Variants in ADGRF1 observed in about 807,000 individuals in gnomAD.
The protein encoded by ADGRF1 is adhesion G protein-coupled receptor F1.
In ADGRF1, 85 loss-of-function variants were observed where a neutral mutation model predicts 87.2. The ratio of observed to expected loss-of-function variants is 0.97; its 90% CI spans 0.82 to 1.17. The LOEUF is 1.17. Among genes scored for constraint, ADGRF1 ranks in the 50% most tolerant of loss-of-function variants. The pLI is 0.00. For synonymous variants in ADGRF1, 430 were observed against 408.8 expected, an observed-to-expected ratio of 1.05 and a Z score of -0.63; for missense variants, 1,169 against 1,077.2, an observed-to-expected ratio of 1.09 and a Z score of -1.19.
chr6:47,020,495 A>T, intron 7 of ADGRF1: 1 of 1,475,288 alleles, frequency 6.8e-7, no homozygotes, highest in Non-Finnish European at 9.0e-7. Flanking sequence ...CAAGAGTGAC[A>T]TTCTGTCAAA....
intron 1 of ADGRF1, among the ~76,000 whole-genome samples, chr6:47,041,397 AG>A (rs2113916457): frequency 6.6e-6 from 1 of 152,280 alleles, no homozygotes; most frequent in Admixed American, 6.5e-5. Context: ...AGCATGAAAA[AG>A]CCAAGGTCAT....
intron 1 of ADGRF1, among the ~76,000 whole-genome samples, chr6:47,030,436 A>T (rs1780377003): frequency 1.3e-5 from 2 of 152,066 alleles, no homozygotes; most frequent in African/African-American, 4.8e-5. Flanking sequence ...GTTTCCCCAC[A>T]GCTTATCTGC....
chr6:47,024,842 T>C (rs982405100), intron 4 of ADGRF1, among the ~76,000 whole-genome samples: 6 of 152,184 alleles, frequency 3.9e-5, no homozygotes, highest in Admixed American at 6.5e-5. Flanking sequence ...AAAGCTACAA[T>C]GGCTGGGATT....
rs1162660888 is a variant in ADGRF1 at position 47,000,265 on chromosome 6, G to A, written c.2690C>T (p.Ser897Phe). The change falls in exon 15 of 15, where the codon TCC becomes TTC. Residue 897 changes from serine (S) to phenylalanine (F), a missense_variant. By Grantham distance (155) the Ser-to-Phe change is radical (BLOSUM62 -2). Coordinates refer to ENST00000371253, the MANE Select transcript of ADGRF1 (RefSeq NM_153840.4). ...GHYAFSHTGD[S>F]SDNIMLTQFV... ...CTGAGTTAGCATGATGTTGTCGGAG[G>A]AATCTCCAGTATGAGAAAATGCATA... 2 of 1,604,802 alleles carry A rather than the reference G, an allele frequency of 1.2e-6. No homozygotes were observed. The highest frequency in any genetic ancestry group is 4.5e-5 in the East Asian group (2 of 44,650).
At chr6:47,014,449 T>C in intron 9 of ADGRF1, 2 of 1,252,988 alleles carry the variant, frequency 1.6e-6, no homozygotes, top group African/African-American at 1.5e-5. Context: ...CACCTCTGCC[T>C]GACAAAACTA....
chr6:47,032,779 G>A (rs767062091), intron 1 of ADGRF1, among the ~76,000 whole-genome samples: 1 of 152,200 alleles, frequency 6.6e-6, no homozygotes, highest in African/African-American at 2.4e-5. Flanking sequence ...ATAGTTACTT[G>A]CTGGATTGTG....
chr6:47,036,045 A>G (rs1383757174), intron 1 of ADGRF1, among the ~76,000 whole-genome samples: 2 of 152,186 alleles, frequency 1.3e-5, no homozygotes, highest in Admixed American at 1.3e-4. Context: ...AGCCTGGGCA[A>G]CATGGTGAAA....
chr6:47,007,109 C>A, intron 12 of ADGRF1, 144 bp downstream of exon 12: 1 of 487,498 alleles, frequency 2.1e-6, no homozygotes, highest in South Asian at 4.8e-5. Flanking sequence ...TCTGACTGAG[C>A]CTGACTTCTC....
intron 13 of ADGRF1, among the ~76,000 whole-genome samples, chr6:47,002,140 A>G (rs1026857509): frequency 2.0e-5 from 3 of 152,156 alleles, no homozygotes; most frequent in African/African-American, 7.2e-5. Flanking sequence ...TACATTATAT[A>G]TTTTTCTACT....
Position 47,025,896 on chromosome 6 carries a change from A to G in ADGRF1, c.235T>C (p.Ser79Pro). ...CTGATAATTCTAATTAGCCCATGTG[A>G]CCATAATAATGGAGGCTTCAAGAGC... is the stretch of plus-strand genomic sequence containing the variant. ...LKLLKPPLLW[S>P]HGLIRIIRAK... The change falls in exon 4 of 15, where the codon TCA (serine) becomes CCA (proline). Residue 79 changes from serine (S) to proline (P), a missense_variant. Physicochemically the swap from Ser to Pro is moderately conservative, Grantham distance 74 (BLOSUM62 -1). Transcript: ENST00000371253. 1 of 1,611,466 alleles carries G rather than the reference A, an allele frequency of 6.2e-7. No individual in the cohort carries two copies. The highest frequency in any genetic ancestry group is 8.5e-7 in the Non-Finnish European group (1 of 1,178,998).
At chr6:47,004,672 T>C (rs775245088) in intron 13 of ADGRF1, among the ~76,000 whole-genome samples, 10 of 152,218 alleles carry the variant, frequency 6.6e-5, no homozygotes, top group Non-Finnish European at 1.5e-4. Flanking sequence ...TTCTTAAGTG[T>C]AGGTAATGAC....
chr6:47,019,911 G>A lies in ADGRF1; in HGVS notation c.611+820C>T, dbSNP rs180757456. 3,953 of 985,168 alleles carry A rather than the reference G, an allele frequency of 4.0e-3. 15 individuals are homozygous for A. Among genetic ancestry groups the A allele is most frequent in the Middle Eastern group, 5.2e-3 (10 of 1,914 alleles). 61.0% of individuals were successfully genotyped at this position (985,168 alleles called of 1,614,324 possible). ...TAATTTACTAAATATTTCTTTATTT[G>A]CTGTAAACAATGACTACTGGGTTTT... On this transcript the variant is annotated intron_variant, in intron 7 of 14. Transcript: ENST00000371253.
intron 13 of ADGRF1, among the ~76,000 whole-genome samples, chr6:47,005,079 T>C (rs1004186861): frequency 6.6e-6 from 1 of 152,228 alleles, no homozygotes; most frequent in Non-Finnish European, 1.5e-5. Flanking sequence ...GTCAGTTGAC[T>C]TTTATAAAAT....
Position 47,007,245 on chromosome 6 carries a change from A to G in ADGRF1, c.2532+8T>C. On this transcript the variant is annotated splice_region_variant and intron_variant, in intron 12 of 14. Coordinates refer to ENST00000371253, the MANE Select transcript of ADGRF1 (RefSeq NM_153840.4). ...CTAGGGGTTAATGAGAGAAATAAAT[A>G]CACATACCTTACTGTCCAAGAGTAT... The G allele has an allele frequency of 1.3e-6, 2 of 1,544,422 alleles. No individual in the cohort carries two copies. Among genetic ancestry groups the G allele is most frequent in the Non-Finnish European group, 1.8e-6 (2 of 1,120,508 alleles).
chr6:47,000,310 A>G lies in ADGRF1; in HGVS notation c.2660-15T>C. On this transcript the variant is annotated splice_polypyrimidine_tract_variant and intron_variant, in intron 14 of 14. Coordinates refer to ENST00000371253, the MANE Select transcript of ADGRF1 (RefSeq NM_153840.4). ...TGCATAATGGCCTGAAGGGGAAAAA[A>G]AAAGGAAATAATTATTGTTACTCTG... 1.3e-6 allele frequency: 2 copies of G among 1,564,468 alleles called. No homozygotes were observed. Among genetic ancestry groups the G allele is most frequent in the Non-Finnish European group, 1.7e-6 (2 of 1,142,920 alleles).
rs766608485 is a variant in ADGRF1, at chr6:47,000,308, A to T, written c.2660-13T>A. On this transcript the variant is annotated splice_polypyrimidine_tract_variant and intron_variant, in intron 14 of 14. Transcript: ENST00000371253. ...AATGCATAATGGCCTGAAGGGGAAA[A>T]AAAAAGGAAATAATTATTGTTACTC... is the stretch of plus-strand genomic sequence containing the variant. 8 of 1,568,570 alleles carry T rather than the reference A, an allele frequency of 5.1e-6. No individual in the cohort carries two copies. The South Asian group carries it at 9.1e-5, about 18-fold the overall frequency.
chr6:47,006,546 G>A (rs1306870543), intron 12 of ADGRF1, among the ~76,000 whole-genome samples: 2 of 151,746 alleles, frequency 1.3e-5, no homozygotes, highest in Non-Finnish European at 2.9e-5. Context: ...TATTTCCATA[G>A]GTTATTGGGG....
intron 9 of ADGRF1, chr6:47,013,372 A>G: frequency 1.0e-6 from 1 of 985,442 alleles, no homozygotes; most frequent in South Asian, 4.7e-5. Context: ...CAGTTTACAG[A>G]TGAGGAAACT....
intron 11 of ADGRF1, among the ~76,000 whole-genome samples, chr6:47,007,608 T>C (rs1779570230): frequency 6.6e-6 from 1 of 152,260 alleles, no homozygotes. Context: ...CTTTTTTGTC[T>C]GTATCTTAGT....
Sources: gnomAD v4.1 joint callset for allele counts (sites outside exome capture counted in the v4.1 genomes callset) on GRCh38, gnomAD v4.1.1 for gene constraint, MANE v1.5 for transcripts, NCBI Gene and HGNC (gene_info 2026-07-23, HGNC 2026-07-21) for gene names.